Variants in ZFYVE16 observed in about 807,000 individuals in gnomAD.
The protein encoded by ZFYVE16 is zinc finger FYVE domain-containing protein 16.
A neutral mutation model predicts 138.1 loss-of-function variants in ZFYVE16; 89 were observed. The ratio of observed to expected loss-of-function variants is 0.64; its 90% CI spans 0.54 to 0.77. The LOEUF is 0.77. Ranked by LOEUF, ZFYVE16 falls within the 30% of genes least tolerant of loss-of-function variation. The pLI is 0.00. For synonymous variants in ZFYVE16, 596 were observed against 618.3 expected (o/e 0.96, Z 0.53); for missense variants, 1,793 against 1,786.7 (o/e 1.00, Z -0.06).
intron 1 of ZFYVE16, among the ~76,000 whole-genome samples, chr5:80,425,078 T>A (rs1747799140): frequency 6.6e-6 from 1 of 152,240 alleles, no homozygotes; most frequent in South Asian, 2.1e-4. Flanking sequence ...CCTGTATCTG[T>A]TGAGTTGGCT....
chr5:80,441,293 G>C (rs1195222454), intron 5 of ZFYVE16: 2 of 985,224 alleles, frequency 2.0e-6, no homozygotes, highest in East Asian at 1.1e-4. Flanking sequence ...TGACTCTAAG[G>C]GTCCAGGAGG....
intron 7 of ZFYVE16, 104 bp from the exon 8 acceptor site, chr5:80,447,922 A>G (rs1751559908): frequency 2.8e-6 from 3 of 1,088,324 alleles, no homozygotes; most frequent in East Asian, 5.7e-5. Flanking sequence ...TTTGGTTTTT[A>G]TTTATTCTTA....
intron 3 of ZFYVE16, 99 bp downstream of exon 3, chr5:80,434,316 T>G (rs111815748): frequency 3.1e-6 from 4 of 1,273,900 alleles, no homozygotes; most frequent in Non-Finnish European, 4.5e-6. Flanking sequence ...TTTCTTTCAA[T>G]TTTGGTCACG....
chr5:80,482,195 T>C lies in ZFYVE16; in HGVS notation c.*4818T>C, dbSNP rs533683886. Reference sequence around the variant, plus strand: ...AGGAAATATATAAAGGGAAACACTGTTGAAATAAATGGAAAGCTAAAAGTC... The same window carrying C: ...AGGAAATATATAAAGGGAAACACTGCTGAAATAAATGGAAAGCTAAAAGTC... On this transcript the variant is annotated 3_prime_UTR_variant, in exon 19 of 19. Coordinates refer to ENST00000505560, the MANE Select transcript of ZFYVE16 (RefSeq NM_001284236.3). 5 of 152,220 alleles carry C rather than the reference T, an allele frequency of 3.3e-5. No individual in the cohort carries two copies. Among genetic ancestry groups the C allele is most frequent in the South Asian group, 2.1e-4 (1 of 4,830 alleles). The allele number at this position is 152,220 out of a possible 1,614,324, so 9.4% of individuals were successfully genotyped here.
Position 80,438,846 on chromosome 5 carries a change from G to A in ZFYVE16, c.2161G>A (p.Ala721Thr), listed in dbSNP as rs1750322795. The A allele has an allele frequency of 6.2e-7, 1 of 1,613,918 alleles. No homozygotes were observed. Among genetic ancestry groups the A allele is most frequent in the Non-Finnish European group, 8.5e-7 (1 of 1,179,944 alleles). ...NSEGGSSFVT[A>T]NEDSVPENTC... is the part of the protein sequence containing the mutation. Reference sequence around the variant, plus strand: ...TGAAGGTGGATCTAGTTTCGTAACTGCAAATGAAGATTCTGTACCTGAAAA... The same window carrying A: ...TGAAGGTGGATCTAGTTTCGTAACTACAAATGAAGATTCTGTACCTGAAAA... Residue 721 changes from alanine to threonine, a missense_variant, in exon 4 of 19, where the codon GCA becomes ACA. Ala to Thr is a moderately conservative substitution (Grantham distance 58). This residue lies in a region of ZFYVE16 where 1,295 missense variants were observed against 1,204.3 expected (regional missense o/e 1.08). Coordinates refer to ENST00000505560, the MANE Select transcript of ZFYVE16 (RefSeq NM_001284236.3).
intron 14 of ZFYVE16, among the ~76,000 whole-genome samples, chr5:80,458,245 G>A (rs963821057): frequency 4.0e-5 from 6 of 151,598 alleles, no homozygotes; most frequent in African/African-American, 1.5e-4. Context: ...TTTATTTGTT[G>A]AATAGGTATA....
chr5:80,448,393 A>G lies in ZFYVE16; in HGVS notation c.3092A>G (p.Glu1031Gly). The G allele has an allele frequency of 6.5e-7, 1 of 1,533,158 alleles. No individual in the cohort carries two copies. Among genetic ancestry groups the G allele is most frequent in the Non-Finnish European group, 8.7e-7 (1 of 1,145,370 alleles). The allele number at this position is 1,533,158 out of a possible 1,614,324, so 95.0% of individuals were successfully genotyped here. ...SLPPLLVASGEKGSVPVVEEH... is the reference protein window; with the variant it reads ...SLPPLLVASGGKGSVPVVEEH... ...CCCCCACTTCTGGTTGCATCTGGAG[A>G]AAAGGGATCAGGTAGGGAAGCAGTT... The change falls in exon 8 of 19, where the codon GAA (glutamate) becomes GGA (glycine). Residue 1031 changes from glutamate (E) to glycine (G), a missense_variant. Coordinates refer to ENST00000505560, the MANE Select transcript of ZFYVE16 (RefSeq NM_001284236.3).
rs186709478 is a variant in ZFYVE16, at chr5:80,408,672, C to G, written c.-94+519C>G. Among the ~76,000 whole-genome samples the G allele has an allele frequency of 2.4e-3, 359 of 152,354 alleles. 2 individuals are homozygous for G. Among genetic ancestry groups the G allele is most frequent in the African/African-American group, 8.5e-3 (352 of 41,582 alleles). On this transcript the variant is annotated intron_variant, in intron 1 of 18. Coordinates refer to ENST00000505560, the MANE Select transcript of ZFYVE16 (RefSeq NM_001284236.3). The stretch of plus-strand genomic sequence containing the variant: ...TTAGAGACCAGAAGGATGCAGTGGC[C>G]GTCTTTCCCGCTGCCTTTCCTTTGG...
intron 1 of ZFYVE16, among the ~76,000 whole-genome samples, chr5:80,423,789 C>T (rs1163309003): frequency 3.3e-5 from 5 of 152,068 alleles, no homozygotes; most frequent in South Asian, 2.1e-4. Context: ...CCGCCCACCT[C>T]GTCCTCCCAA....
In ZFYVE16 at chr5:80,483,223, C is replaced by T. The variant is rs1256965059; in HGVS notation, c.*5846C>T. ...GCTAAAATAATTCATTGCTAGTAGTCCTCCTTTAACAGAAATGGTAAAGGA... is the reference window on the plus strand; with the variant it reads ...GCTAAAATAATTCATTGCTAGTAGTTCTCCTTTAACAGAAATGGTAAAGGA... On this transcript the variant is annotated 3_prime_UTR_variant, in exon 19 of 19. Transcript: ENST00000505560. 1.3e-5 allele frequency: 2 copies of T among 152,128 alleles called. No homozygotes were observed. The highest frequency in any genetic ancestry group is 2.9e-5 in the Non-Finnish European group (2 of 68,014). 9.4% of individuals were successfully genotyped at this position (152,128 alleles called of 1,614,324 possible).
At chr5:80,465,302 A>G (rs1753565930) in intron 15 of ZFYVE16, among the ~76,000 whole-genome samples, 1 of 151,228 alleles carries the variant, frequency 6.6e-6, no homozygotes, top group Non-Finnish European at 1.5e-5. Flanking sequence ...TTTGCTGGAC[A>G]TAAACTTTCT....
chr5:80,452,227 GA>G (rs1752051059), intron 11 of ZFYVE16: 1 of 152,552 alleles, frequency 6.6e-6, no homozygotes, highest in Non-Finnish European at 1.5e-5. Flanking sequence ...ATGAGGTCAG[GA>G]GTTCGAGACC....
Position 80,482,059 on chromosome 5 carries a change from G to T in ZFYVE16, c.*4682G>T, listed in dbSNP as rs892859633. Among the ~76,000 whole-genome samples, 5 of 152,190 alleles carry T rather than the reference G, an allele frequency of 3.3e-5. No individual in the cohort carries two copies. Among genetic ancestry groups the T allele is most frequent in the African/African-American group, 1.2e-4 (5 of 41,458 alleles). Reference sequence around the variant, plus strand: ...TGGTCTCAAACTCCTGACCTCAAGTGATCTGCCTGCCTGGGCCTCCCAAAG... The same window carrying T: ...TGGTCTCAAACTCCTGACCTCAAGTTATCTGCCTGCCTGGGCCTCCCAAAG... On this transcript the variant is annotated 3_prime_UTR_variant, in exon 19 of 19. Coordinates refer to ENST00000505560, the MANE Select transcript of ZFYVE16 (RefSeq NM_001284236.3).
intron 15 of ZFYVE16, among the ~76,000 whole-genome samples, chr5:80,463,550 C>T (rs977771072): frequency 4.6e-5 from 7 of 152,166 alleles, no homozygotes; most frequent in African/African-American, 1.7e-4. Context: ...GCCCTAGAGA[C>T]ATTTTCCCCA....
chr5:80,457,950 C>T lies in ZFYVE16; in HGVS notation c.3943+858C>T, dbSNP rs941670413. 6.7e-5 allele frequency among the ~76,000 whole-genome samples: 10 copies of T among 150,322 alleles called. No individual in the cohort carries two copies. In the South Asian group the frequency reaches 8.6e-4, roughly 13 times the overall value. ...CTGAGGCGGGAGAATGGCGTGAACC[C>T]GGGAGGCGGAGCTTGCAGTGAGCCC... On this transcript the variant is annotated intron_variant, in intron 14 of 18. Transcript: ENST00000505560.
At chr5:80,426,856 C>G (rs577142333) in intron 1 of ZFYVE16, among the ~76,000 whole-genome samples, 1 of 152,038 alleles carries the variant, frequency 6.6e-6, no homozygotes, top group Non-Finnish European at 1.5e-5. Context: ...TTTGAGGAAT[C>G]GCTACACTGT....
At chr5:80,413,297 C>T (rs1449645570) in intron 1 of ZFYVE16, among the ~76,000 whole-genome samples, 1 of 151,666 alleles carries the variant, frequency 6.6e-6, no homozygotes, top group Non-Finnish European at 1.5e-5. Flanking sequence ...TATGGAGAAA[C>T]CCCATCTCTA....
At chr5:80,469,071 C>G (rs1580354526) in intron 15 of ZFYVE16, among the ~76,000 whole-genome samples, 1 of 148,604 alleles carries the variant, frequency 6.7e-6, no homozygotes. Context: ...ATATATTTTT[C>G]TTCTTATTTC....
Position 80,437,835 on chromosome 5 carries a change from A to T in ZFYVE16, c.1150A>T (p.Met384Leu). The stretch of plus-strand genomic sequence containing the variant: ...GTCCTGTCTTCCTGCGTCTGGGTCT[A>T]TGTGTGGATCATTAATTGAAAGTAA... ...SLSCLPASGS[M>L]CGSLIESKAR... Residue 384 changes from methionine to leucine, a missense_variant, in exon 4 of 19, where the codon ATG becomes TTG. Around this residue, in one of 2 missense-constraint regions of ZFYVE16, gnomAD observed 1,295 missense variants for 1,204.3 expected, o/e 1.08. Coordinates refer to ENST00000505560, the MANE Select transcript of ZFYVE16 (RefSeq NM_001284236.3). 1.9e-6 allele frequency: 3 copies of T among 1,614,020 alleles called. No individual in the cohort carries two copies. The highest frequency in any genetic ancestry group is 2.5e-6 in the Non-Finnish European group (3 of 1,179,956).
Sources: gnomAD v4.1 joint callset for allele counts (sites outside exome capture counted in the v4.1 genomes callset) on GRCh38, gnomAD v4.1.1 for gene constraint, gnomAD v4.1.1 regional missense constraint, MANE v1.5 for transcripts, NCBI Gene and HGNC (gene_info 2026-07-23, HGNC 2026-07-21) for gene names.